The following GALNT13 variants were observed in gnomAD, a reference collection of about 807,000 sequenced individuals.
GALNT13 encodes polypeptide N-acetylgalactosaminyltransferase 13.
Under a neutral mutation model 64.2 loss-of-function variants are expected in GALNT13, and 28 were observed. The ratio of observed to expected loss-of-function variants is 0.44; its 90% CI spans 0.32 to 0.60. GALNT13 has a LOEUF of 0.60. GALNT13 is among the 20% of genes least tolerant of loss of function. GALNT13 has a pLI of 0.05. For missense variants in GALNT13, 577 were observed against 669.8 expected (o/e 0.86, Z 1.53); for synonymous variants, 214 against 224.6 (o/e 0.95, Z 0.42).
intron 3 of GALNT13, among the ~76,000 whole-genome samples, chr2:154,051,338 C>T (rs1699599740): frequency 7.5e-6 from 1 of 133,978 alleles, no homozygotes; most frequent in Non-Finnish European, 1.5e-5. Context: ...GGCCGGACTG[C>T]GGACTGCAGT....
intron 3 of GALNT13, among the ~76,000 whole-genome samples, chr2:154,091,394 G>A (rs888960320): frequency 1.3e-5 from 2 of 151,784 alleles, no homozygotes; most frequent in African/African-American, 4.8e-5. Flanking sequence ...CATTTTGAAA[G>A]GATATTGATT....
the GALNT13 span, chr2:153,477,777 A>C: frequency 1.3e-5 from 2 of 159,768 alleles, no homozygotes; most frequent in African/African-American, 4.8e-5. Flanking sequence ...GTGGGAGCGC[A>C]CCCGGACACG....
the GALNT13 span, among the ~76,000 whole-genome samples, chr2:153,214,399 G>T: frequency 6.6e-6 from 1 of 152,124 alleles, no homozygotes; most frequent in Non-Finnish European, 1.5e-5. Flanking sequence ...ATAGAAAAAG[G>T]AGAGTTTGCC....
intron 9 of GALNT13, among the ~76,000 whole-genome samples, chr2:154,348,919 T>G (rs944103794): frequency 1.3e-5 from 2 of 152,184 alleles, no homozygotes; most frequent in African/African-American, 4.8e-5. Flanking sequence ...AGTGAATTCT[T>G]TCAGATAATT....
intron 3 of GALNT13, among the ~76,000 whole-genome samples, chr2:153,994,915 T>C (rs1695417578): frequency 6.6e-6 from 1 of 152,166 alleles, no homozygotes; most frequent in African/African-American, 2.4e-5. Context: ...AGAAGCTTTT[T>C]AGTTTAGTTA....
At chr2:154,184,694 G>A (rs1275940728) in intron 4 of GALNT13, among the ~76,000 whole-genome samples, 9 of 152,028 alleles carry the variant, frequency 5.9e-5, no homozygotes, top group Admixed American at 1.3e-4. Flanking sequence ...AACAAGAGTA[G>A]GGAGTAGAAG....
At chr2:154,087,485 A>G (rs1701588207) in intron 3 of GALNT13, among the ~76,000 whole-genome samples, 1 of 152,078 alleles carries the variant, frequency 6.6e-6, no homozygotes, top group African/African-American at 2.4e-5. Flanking sequence ...ATGATTTGAC[A>G]TCATAGTCCA....
chr2:153,069,623 C>A, the GALNT13 span, among the ~76,000 whole-genome samples: 1 of 152,138 alleles, frequency 6.6e-6, no homozygotes, highest in Non-Finnish European at 1.5e-5. Flanking sequence ...AATGGCTGAA[C>A]AGGGACTATA....
chr2:153,098,877 A>G, the GALNT13 span, among the ~76,000 whole-genome samples: 1 of 152,184 alleles, frequency 6.6e-6, no homozygotes. Context: ...AGCAATTCAC[A>G]TTTTCACCAG....
chr2:153,497,573 C>T, the GALNT13 span, among the ~76,000 whole-genome samples: 7 of 106,520 alleles, frequency 6.6e-5, no homozygotes, highest in Non-Finnish European at 5.2e-5. Context: ...AGTTTCACTC[C>T]GTCTCCCAGG....
At chr2:153,938,332 G>C (rs1273759181) in intron 2 of GALNT13, among the ~76,000 whole-genome samples, 2 of 152,124 alleles carry the variant, frequency 1.3e-5, no homozygotes, top group African/African-American at 4.8e-5. Flanking sequence ...TAGATGCATA[G>C]TGATCAGCCA....
chr2:153,274,797 TTAAC>T, the GALNT13 span, among the ~76,000 whole-genome samples: 3 of 152,232 alleles, frequency 2.0e-5, no homozygotes, highest in African/African-American at 7.2e-5. Flanking sequence ...TTTCAATCTC[TTAAC>T]TGACTTCCAC....
chr2:153,669,913 C>T, the GALNT13 span, among the ~76,000 whole-genome samples: 27 of 146,524 alleles, frequency 1.8e-4, no homozygotes, highest in Admixed American at 1.2e-3. Context: ...GAGCCTTGCT[C>T]ACTGCTAGTG....
intron 3 of GALNT13, among the ~76,000 whole-genome samples, chr2:154,084,330 A>G (rs1701421840): frequency 6.6e-6 from 1 of 151,884 alleles, no homozygotes; most frequent in Non-Finnish European, 1.5e-5. Context: ...TTGTTTACAT[A>G]GTTTCTACTA....
the GALNT13 span, among the ~76,000 whole-genome samples, chr2:153,499,857 C>G: frequency 2.6e-5 from 4 of 152,146 alleles, no homozygotes; most frequent in Non-Finnish European, 5.9e-5. Flanking sequence ...TTCCCAGTCC[C>G]CTGAGAGTGC....
the GALNT13 span, among the ~76,000 whole-genome samples, chr2:153,719,132 A>C: frequency 6.6e-6 from 1 of 152,086 alleles, no homozygotes; most frequent in African/African-American, 2.4e-5. Flanking sequence ...TGATACTGTT[A>C]AGTTCATTAC....
At chr2:154,162,482 A>G (rs1201548181) in intron 4 of GALNT13, among the ~76,000 whole-genome samples, 4 of 152,200 alleles carry the variant, frequency 2.6e-5, no homozygotes, top group Admixed American at 6.5e-5. Flanking sequence ...GATGTACATG[A>G]GATACACATG....
At chr2:153,107,514 C>G in the GALNT13 span, among the ~76,000 whole-genome samples, 1 of 152,008 alleles carries the variant, frequency 6.6e-6, no homozygotes. Flanking sequence ...TCTGACCAAG[C>G]TGAGTGCATA....
the GALNT13 span, among the ~76,000 whole-genome samples, chr2:153,359,778 C>A: frequency 1.2e-4 from 18 of 150,386 alleles, no homozygotes; most frequent in Non-Finnish European, 1.8e-4. Context: ...AAAATAATTA[C>A]AATTCATATA....
Sources: allele counts gnomAD v4.1 joint callset (sites outside exome capture counted in the v4.1 genomes callset), GRCh38; gene constraint gnomAD v4.1.1; transcripts MANE v1.5; gene names NCBI Gene and HGNC (gene_info 2026-07-23, HGNC 2026-07-21).